Variants in ZFAND6 observed in about 807,000 individuals in gnomAD.
ZFAND6 encodes the protein zinc finger AN1-type containing 6.
In ZFAND6, 12 loss-of-function variants were observed where a neutral mutation model predicts 24.5. That is an observed-to-expected ratio of 0.49 (90% CI 0.31 to 0.79). ZFAND6 has a LOEUF of 0.79. Ranked by LOEUF, ZFAND6 falls within the 30% of genes least tolerant of loss-of-function variation. The pLI is 0.04. For synonymous variants in ZFAND6, 92 were observed against 81.5 expected (o/e 1.13, Z -0.69); for missense variants, 207 against 245.9 (o/e 0.84, Z 1.06).
chr15:80,137,742 G>C lies in ZFAND6; in HGVS notation c.*114G>C. The C allele has an allele frequency of 8.7e-7, 1 of 1,152,558 alleles. No individual in the cohort carries two copies. Among genetic ancestry groups the C allele is most frequent in the Non-Finnish European group, 1.2e-6 (1 of 868,816 alleles). 71.4% of individuals were successfully genotyped at this position (1,152,558 alleles called of 1,614,324 possible). On this transcript the variant is annotated 3_prime_UTR_variant, in exon 7 of 7. Transcript: ENST00000261749. The stretch of plus-strand genomic sequence containing the variant: ...CAGTGTATCTTGCATGTCATCGGAA[G>C]AATAGATTTTTGTTTTGGTTTTGTT...
chr15:80,089,105 T>C (rs189402776), intron 1 of ZFAND6, among the ~76,000 whole-genome samples: 11 of 152,114 alleles, frequency 7.2e-5, no homozygotes, highest in Middle Eastern at 3.4e-3. Context: ...TCTTCCCACA[T>C]CTTCCTGAAA....
chr15:80,135,965 A>C (rs2040841704), intron 6 of ZFAND6, among the ~76,000 whole-genome samples: 1 of 152,114 alleles, frequency 6.6e-6, no homozygotes, highest in African/African-American at 2.4e-5. Flanking sequence ...CTGTACAAAA[A>C]AATTTTTAAA....
chr15:80,059,979 G>C (rs573032666), intron 1 of ZFAND6, among the ~76,000 whole-genome samples, 170 bp downstream of exon 1: 2 of 151,082 alleles, frequency 1.3e-5, no homozygotes, highest in Non-Finnish European at 1.5e-5. Flanking sequence ...GGGCCCGCGG[G>C]GGCCGCGGGC....
chr15:80,068,958 C>T lies in ZFAND6; in HGVS notation c.-181+9149C>T, dbSNP rs757423386. 2.6e-5 allele frequency among the ~76,000 whole-genome samples: 4 copies of T among 152,328 alleles called. No individual in the cohort carries two copies. The South Asian group carries it at 6.2e-4, about 24-fold the overall frequency. On this transcript the variant is annotated intron_variant, in intron 1 of 6. Coordinates refer to ENST00000261749, the MANE Select transcript of ZFAND6 (RefSeq NM_019006.4). ...TGAATGAATAAACTAACTCTGTTAA[C>T]TTTTGAATGTTATTGCATAGTTTAC...
intron 1 of ZFAND6, among the ~76,000 whole-genome samples, chr15:80,091,160 G>GGGGTGTGT (rs367758438): frequency 4.0e-5 from 6 of 150,166 alleles, no homozygotes; most frequent in Admixed American, 6.6e-5. Flanking sequence ...GTTGTTAAGG[G>GGGGTGTGT]GTGTGTGTGT....
At chr15:80,112,666 G>A in intron 2 of ZFAND6, 1 of 415,028 alleles carries the variant, frequency 2.4e-6, no homozygotes, top group South Asian at 1.7e-5. Context: ...AAAGTGCTGG[G>A]ATTACAGGCG....
At chr15:80,069,047 G>T (rs1217054595) in intron 1 of ZFAND6, among the ~76,000 whole-genome samples, 1 of 152,176 alleles carries the variant, frequency 6.6e-6, no homozygotes, top group Non-Finnish European at 1.5e-5. Flanking sequence ...GATTAAAATG[G>T]TTGAGAAAAG....
intron 1 of ZFAND6, among the ~76,000 whole-genome samples, chr15:80,079,571 T>C (rs1337548172): frequency 6.6e-6 from 1 of 151,898 alleles, no homozygotes; most frequent in African/African-American, 2.4e-5. Context: ...ATAATAAAAA[T>C]GTAAAATAAT....
At chr15:80,067,101 A>G (rs2036692132) in intron 1 of ZFAND6, among the ~76,000 whole-genome samples, 1 of 152,168 alleles carries the variant, frequency 6.6e-6, no homozygotes. Context: ...TTGACTTTGA[A>G]TTTGACAGAA....
At chr15:80,124,356 C>G (rs987826438) in intron 5 of ZFAND6, among the ~76,000 whole-genome samples, 1 of 151,870 alleles carries the variant, frequency 6.6e-6, no homozygotes, top group African/African-American at 2.4e-5. Context: ...TGGCATGAAC[C>G]TGGGAGGCGG....
chr15:80,082,036 TGGA>T (rs1378669989), intron 1 of ZFAND6, among the ~76,000 whole-genome samples: 1 of 152,160 alleles, frequency 6.6e-6, no homozygotes. Flanking sequence ...AATGGCAAAA[TGGA>T]GGGAGTAATA....
rs1426872679 is a variant in ZFAND6 at position 80,063,874 on chromosome 15, G to A, written c.-181+4065G>A. 2.6e-5 allele frequency among the ~76,000 whole-genome samples: 4 copies of A among 152,178 alleles called. No homozygotes were observed. In the East Asian group the frequency reaches 7.7e-4, roughly 29 times the overall value. On this transcript the variant is annotated intron_variant, in intron 1 of 6. Transcript: ENST00000261749. ...CCTAAATTTTTATGTTTTTAGTAGAGACCGCGTTTCACCATGTTGGCCAGG... is the reference window on the plus strand; with the variant it reads ...CCTAAATTTTTATGTTTTTAGTAGAAACCGCGTTTCACCATGTTGGCCAGG...
intron 1 of ZFAND6, among the ~76,000 whole-genome samples, chr15:80,064,878 T>G (rs1293639120): frequency 6.6e-6 from 1 of 152,098 alleles, no homozygotes; most frequent in African/African-American, 2.4e-5. Context: ...GCAATTTACC[T>G]GCCTTGGCCT....
At chr15:80,081,177 A>G (rs1352630742) in intron 1 of ZFAND6, among the ~76,000 whole-genome samples, 8 of 152,242 alleles carry the variant, frequency 5.3e-5, no homozygotes, top group Admixed American at 5.2e-4. Flanking sequence ...GAAAACCTAC[A>G]CTGAAAAGGT....
intron 1 of ZFAND6, among the ~76,000 whole-genome samples, chr15:80,093,680 G>A (rs140614109): frequency 6.6e-6 from 1 of 152,292 alleles, no homozygotes; most frequent in African/African-American, 2.4e-5. Flanking sequence ...AGCCGAGATC[G>A]CGCCATTGCA....
chr15:80,125,002 C>G (rs2040315274), intron 5 of ZFAND6, among the ~76,000 whole-genome samples: 1 of 152,174 alleles, frequency 6.6e-6, no homozygotes, highest in Non-Finnish European at 1.5e-5. Flanking sequence ...TATGTGCACA[C>G]ACTCATACAC....
In ZFAND6 at chr15:80,090,939, C is replaced by A. The variant is rs1031496109; in HGVS notation, c.-180-7477C>A. Among the ~76,000 whole-genome samples, 9 of 152,234 alleles carry A rather than the reference C, an allele frequency of 5.9e-5. No homozygotes were observed. The South Asian group carries it at 1.5e-3, about 25-fold the overall frequency. On this transcript the variant is annotated intron_variant, in intron 1 of 6. Coordinates refer to ENST00000261749, the MANE Select transcript of ZFAND6 (RefSeq NM_019006.4). ...CAGAGTCACACATTTGGAAGTAGCA[C>A]AAAAATTTGAACTGCCTCTTTGCCG...
rs115963093 is a variant in ZFAND6 at position 80,098,889 on chromosome 15, C to T, written c.-18+311C>T. Among the ~76,000 whole-genome samples the T allele has an allele frequency of 1.1e-3, 162 of 151,892 alleles. 1 individual carries two copies. Among genetic ancestry groups the T allele is most frequent in the African/African-American group, 3.9e-3 (160 of 41,434 alleles). ...CAAAAGATTGTAATTCTTTAGATTG[C>T]TGTTTATTTTGCATTGATTTCAGCC... On this transcript the variant is annotated intron_variant, in intron 2 of 6. Transcript: ENST00000261749.
At chr15:80,093,609 C>A (rs1163978121) in intron 1 of ZFAND6, among the ~76,000 whole-genome samples, 1 of 152,146 alleles carries the variant, frequency 6.6e-6, no homozygotes, top group Non-Finnish European at 1.5e-5. Flanking sequence ...CCTGTAATCC[C>A]AGCTACTCAG....
Sources: allele counts gnomAD v4.1 joint callset (sites outside exome capture counted in the v4.1 genomes callset), GRCh38; gene constraint gnomAD v4.1.1; transcripts MANE v1.5; gene names NCBI Gene and HGNC (gene_info 2026-07-23, HGNC 2026-07-21).